Variants in KDM4D observed in about 807,000 individuals in gnomAD.
KDM4D encodes lysine-specific demethylase 4D.
For missense variants in KDM4D, 427 were observed against 674.8 expected (o/e 0.63, Z 4.07); for synonymous variants, 254 against 249.1 (o/e 1.02, Z -0.19).
intron 2 of KDM4D, among the ~76,000 whole-genome samples, chr11:94,995,832 C>T (rs1245430188): frequency 1.3e-5 from 2 of 152,160 alleles, no homozygotes; most frequent in Non-Finnish European, 2.9e-5. Context: ...AACCCATCAA[C>T]AACCTTATCC....
chr11:94,977,088 AAATGGAC>A (rs1341199354), intron 2 of KDM4D, among the ~76,000 whole-genome samples: 1 of 152,226 alleles, frequency 6.6e-6, no homozygotes, highest in Non-Finnish European at 1.5e-5. Flanking sequence ...CCCAATTAAA[AAATGGAC>A]AAAAGATATA....
At chr11:94,980,682 A>G (rs1454129162) in intron 2 of KDM4D, among the ~76,000 whole-genome samples, 6 of 152,166 alleles carry the variant, frequency 3.9e-5, no homozygotes, top group Non-Finnish European at 7.4e-5. Flanking sequence ...GCTTAATGCT[A>G]TTATAAATGG....
chr11:94,977,944 T>A (rs782197510), intron 2 of KDM4D, among the ~76,000 whole-genome samples: 3 of 152,192 alleles, frequency 2.0e-5, no homozygotes, highest in Admixed American at 6.5e-5. Flanking sequence ...TGTGTTCTGT[T>A]GTAAAAAGTT....
intron 2 of KDM4D, among the ~76,000 whole-genome samples, chr11:94,981,782 G>C (rs1320357907): frequency 4.0e-5 from 6 of 151,372 alleles, no homozygotes; most frequent in Admixed American, 3.3e-4. Context: ...TTTTAAAAAA[G>C]CCCAACTTTT....
intron 2 of KDM4D, among the ~76,000 whole-genome samples, chr11:94,983,222 A>G (rs1362326110): frequency 2.0e-5 from 3 of 151,988 alleles, no homozygotes; most frequent in Admixed American, 6.6e-5. Flanking sequence ...CATATGTGAG[A>G]AAAGGATTCC....
chr11:94,996,762 T>C (rs1857978782), intron 2 of KDM4D, among the ~76,000 whole-genome samples: 1 of 152,214 alleles, frequency 6.6e-6, no homozygotes, highest in Non-Finnish European at 1.5e-5. Context: ...GTGGAACAGT[T>C]GGATCACAGA....
chr11:94,998,290 G>A lies in KDM4D; in HGVS notation c.918G>A (p.Met306Ile), dbSNP rs375631760. The A allele has an allele frequency of 9.9e-6, 16 of 1,614,082 alleles. No individual in the cohort carries two copies. In the African/African-American group the frequency reaches 1.9e-4, roughly 19 times the overall value. ...CGCGATGGATTGATTATGGCAAAAT[G>A]GCCTCCCAGTGTAGCTGTGGGGAGG... ...ATPRWIDYGK[M>I]ASQCSCGEAR... Residue 306 changes from methionine to isoleucine, a missense_variant, in exon 3 of 3, where the codon ATG becomes ATA. By Grantham distance (10) the Met-to-Ile change is conservative. Coordinates refer to ENST00000335080, the MANE Select transcript of KDM4D (RefSeq NM_018039.3). This position sits in a 1 kb window ranked among gnomAD's most constrained non-coding sequence, Gnocchi z 6.7.
Position 94,998,965 on chromosome 11 carries a change from TCCCACTGC to T in KDM4D, c.*24_*31del. ...CCTAAGTCCACGGGCTGTCTTTATA[TCCCACTGC>T]CCTGCTGTGTGACAGTTTGATGAAA... On this transcript the variant is annotated 3_prime_UTR_variant, in exon 3 of 3. Coordinates refer to ENST00000335080, the MANE Select transcript of KDM4D (RefSeq NM_018039.3). The surrounding 1 kb of genome is among the most constrained non-coding windows in gnomAD (Gnocchi z 6.7). The T allele has an allele frequency of 6.7e-7, 1 of 1,501,102 alleles. No individual in the cohort carries two copies. 93.0% of individuals were successfully genotyped at this position (1,501,102 alleles called of 1,614,324 possible).
At chr11:94,988,013 A>G (rs1166861570) in intron 2 of KDM4D, among the ~76,000 whole-genome samples, 1 of 152,226 alleles carries the variant, frequency 6.6e-6, no homozygotes, top group Non-Finnish European at 1.5e-5. Context: ...AAGGAATGCC[A>G]AAGGAATAAT....
intron 2 of KDM4D, among the ~76,000 whole-genome samples, chr11:94,989,801 G>A (rs188343191): frequency 2.2e-5 from 3 of 138,562 alleles, no homozygotes; most frequent in African/African-American, 8.2e-5. Context: ...GCCCAGGCTG[G>A]AGTGCAGTGG....
intron 2 of KDM4D, among the ~76,000 whole-genome samples, chr11:94,989,742 C>T (rs1857917937): frequency 8.4e-6 from 1 of 119,298 alleles, no homozygotes; most frequent in Non-Finnish European, 1.8e-5. Context: ...TTCTCTCTCT[C>T]TCTCTCTTTC....
At chr11:94,974,686 C>T (rs1190487300) in intron 1 of KDM4D, among the ~76,000 whole-genome samples, 1 of 152,182 alleles carries the variant, frequency 6.6e-6, no homozygotes, top group Non-Finnish European at 1.5e-5. Context: ...ACCAAAATCC[C>T]GGAGTGCCTA....
intron 2 of KDM4D, among the ~76,000 whole-genome samples, chr11:94,981,917 A>G (rs1555097601): frequency 6.6e-6 from 1 of 150,604 alleles, no homozygotes; most frequent in Non-Finnish European, 1.5e-5. Context: ...TGCTTAGCTC[A>G]TTTAGTTTTT....
At position 94,998,333 on chromosome 11, in the gene KDM4D, A is replaced by C; in HGVS notation, c.961A>C (p.Met321Leu). The change falls in exon 3 of 3, where the codon ATG becomes CTG. Residue 321 changes from methionine (M) to leucine (L), a missense_variant. Transcript: ENST00000335080. This position sits in a 1 kb window ranked among gnomAD's most constrained non-coding sequence, Gnocchi z 6.7. Reference sequence around the variant, plus strand: ...TGGGGAGGCAAGGGTGACCTTTTCCATGGATGCCTTCGTGCGCATCCTGCA... The same window carrying C: ...TGGGGAGGCAAGGGTGACCTTTTCCCTGGATGCCTTCGTGCGCATCCTGCA... ...SCGEARVTFS[M>L]DAFVRILQPE... The C allele has an allele frequency of 3.1e-6, 5 of 1,614,130 alleles. No homozygotes were observed. Among genetic ancestry groups the C allele is most frequent in the Non-Finnish European group, 4.2e-6 (5 of 1,180,004 alleles).
chr11:94,977,362 T>A (rs1857806219), intron 2 of KDM4D, among the ~76,000 whole-genome samples: 2 of 152,214 alleles, frequency 1.3e-5, no homozygotes, highest in South Asian at 4.1e-4. Flanking sequence ...GTTTCCAAAG[T>A]TTTCTATGGT....
chr11:94,979,186 C>T (rs1229502078), intron 2 of KDM4D, among the ~76,000 whole-genome samples: 2 of 152,146 alleles, frequency 1.3e-5, no homozygotes, highest in African/African-American at 2.4e-5. Context: ...ATAAAGCCCT[C>T]CCCAAATTTC....
Position 94,998,866 on chromosome 11 carries a change from G to T in KDM4D, c.1494G>T (p.Met498Ile), listed in dbSNP as rs782382193. Residue 498 changes from methionine (M) to isoleucine (I), a missense_variant, in exon 3 of 3, where the codon ATG (methionine) becomes ATT (isoleucine). Met to Ile is a conservative substitution (Grantham distance 10). Transcript: ENST00000335080. This position sits in a 1 kb window ranked among gnomAD's most constrained non-coding sequence, Gnocchi z 6.7. ...PEPLPEDGAL[M>I]DKPVPLSPGL... ...CCCTACCTGAGGATGGGGCTTTGAT[G>T]GACAAGCCTGTACCACTGAGCCCAG... 1.3e-6 allele frequency: 2 copies of T among 1,553,234 alleles called. No individual in the cohort carries two copies. Among genetic ancestry groups the T allele is most frequent in the Non-Finnish European group, 8.7e-7 (1 of 1,148,866 alleles).
In KDM4D at chr11:94,998,839, G is replaced by C; in HGVS notation, c.1467G>C (p.Glu489Asp). Reference sequence around the variant, plus strand: ...GCACAGCTTCGGGCCCAGAACCTGAGCCCCTACCTGAGGATGGGGCTTTGA... The same window carrying C: ...GCACAGCTTCGGGCCCAGAACCTGACCCCCTACCTGAGGATGGGGCTTTGA... ...TTCTASGPEP[E>D]PLPEDGALMD... Residue 489 changes from glutamate (E) to aspartate (D), a missense_variant, in exon 3 of 3, where the codon GAG (glutamate) becomes GAC (aspartate). Transcript: ENST00000335080. The surrounding 1 kb of genome is among the most constrained non-coding windows in gnomAD (Gnocchi z 6.7). 6.3e-7 allele frequency: 1 copy of C among 1,576,058 alleles called. No homozygotes were observed. Among genetic ancestry groups the C allele is most frequent in the Non-Finnish European group, 8.6e-7 (1 of 1,159,188 alleles).
intron 2 of KDM4D, among the ~76,000 whole-genome samples, chr11:94,992,927 CA>C (rs1258343013): frequency 6.6e-6 from 1 of 152,026 alleles, no homozygotes; most frequent in Non-Finnish European, 1.5e-5. Context: ...TTTGATTAAA[CA>C]TAGCATTTAG....
Sources: allele counts gnomAD v4.1 joint callset (sites outside exome capture counted in the v4.1 genomes callset), GRCh38; gene constraint gnomAD v4.1.1; non-coding constraint Gnocchi (gnomAD v3.1); transcripts MANE v1.5; gene names NCBI Gene and HGNC (gene_info 2026-07-23, HGNC 2026-07-21).